ABLIM2: variants seen among roughly 807,000 people sequenced by gnomAD.
The protein encoded by ABLIM2 is actin-binding LIM protein 2.
A neutral mutation model predicts 97.7 loss-of-function variants in ABLIM2; 53 were observed. The ratio of observed to expected loss-of-function variants is 0.54; its 90% CI spans 0.44 to 0.68. The LOEUF (loss-of-function observed/expected upper bound fraction) is 0.68, where lower values mean the gene tolerates loss of function less well. Ranked by LOEUF, ABLIM2 falls within the 30% of genes least tolerant of loss-of-function variation. The probability of loss-of-function intolerance (pLI) is 0.00; values close to 1 mark genes in which losing one functional copy is unlikely to be tolerated. For missense variants in ABLIM2, 835 were observed against 867.2 expected (o/e 0.96, Z 0.47); for synonymous variants, 361 against 345.8 (o/e 1.04, Z -0.49).
chr4:8,080,580 G>A, intron 5 of ABLIM2, 96 bp downstream of exon 5: 1 of 1,348,826 alleles, frequency 7.4e-7, no homozygotes, highest in Non-Finnish European at 9.9e-7. Context: ...GAGAGACACA[G>A]AGAGGGTGGC....
intron 1 of ABLIM2, among the ~76,000 whole-genome samples, chr4:8,111,288 G>A (rs2152795044): frequency 6.6e-6 from 1 of 152,348 alleles, no homozygotes; most frequent in East Asian, 1.9e-4. Flanking sequence ...TGCTGGAAAA[G>A]GCAAAATGAA....
Position 8,128,683 on chromosome 4 carries a change from C to T in ABLIM2, c.11-22046G>A, listed in dbSNP as rs1848878741. ...TGCCGTGGATTGAATGTGGTGTCCC[C>T]TCCCCAGACTCACATGCTGATATCC... On this transcript the variant is annotated intron_variant, in intron 1 of 20. Transcript: ENST00000447017. This position sits in a 1 kb window ranked among gnomAD's most constrained non-coding sequence, Gnocchi z 4.9. Among the ~76,000 whole-genome samples, 1 of 152,160 alleles carries T rather than the reference C, an allele frequency of 6.6e-6. No individual in the cohort carries two copies. Among genetic ancestry groups the T allele is most frequent in the Non-Finnish European group, 1.5e-5 (1 of 68,030 alleles).
chr4:8,136,582 CTTTG>C (rs1175815893), intron 1 of ABLIM2, among the ~76,000 whole-genome samples: 20 of 152,226 alleles, frequency 1.3e-4, no homozygotes, highest in Non-Finnish European at 2.5e-4. Context: ...ACGTGGCTGA[CTTTG>C]TTTGTCAGTG....
chr4:8,099,606 G>T (rs1833465069), intron 2 of ABLIM2, among the ~76,000 whole-genome samples: 1 of 152,210 alleles, frequency 6.6e-6, no homozygotes, highest in South Asian at 2.1e-4. Context: ...AACACTTTGG[G>T]AGGCTGAGGC....
chr4:7,972,506 C>T (rs1043036838), intron 20 of ABLIM2, among the ~76,000 whole-genome samples: 1 of 152,238 alleles, frequency 6.6e-6, no homozygotes, highest in Non-Finnish European at 1.5e-5. Context: ...AGGGTGGGCA[C>T]AGGCCTGTCT....
intron 2 of ABLIM2, among the ~76,000 whole-genome samples, chr4:8,097,943 G>C (rs1379294368): frequency 6.6e-6 from 1 of 152,156 alleles, no homozygotes; most frequent in African/African-American, 2.4e-5. Context: ...CACACACCCG[G>C]CCCAGGAAGC....
In ABLIM2 at chr4:8,125,095, T is replaced by A. The variant is rs1375975882; in HGVS notation, c.11-18458A>T. 6.6e-6 allele frequency among the ~76,000 whole-genome samples: 1 copy of A among 152,138 alleles called. No homozygotes were observed. The highest frequency in any genetic ancestry group is 1.9e-4 in the East Asian group (1 of 5,182). On this transcript the variant is annotated intron_variant, in intron 1 of 20. Coordinates refer to ENST00000447017, the MANE Select transcript of ABLIM2 (RefSeq NM_001130083.2). The surrounding 1 kb of genome is among the most constrained non-coding windows in gnomAD (Gnocchi z 6.2). ...TCTTGATAGGATTGAGGGATGAGAG[T>A]TATTCGTATATTCGAGATACAAGTC...
At chr4:8,090,272 C>G (rs910047766) in intron 3 of ABLIM2, among the ~76,000 whole-genome samples, 1 of 152,216 alleles carries the variant, frequency 6.6e-6, no homozygotes, top group Non-Finnish European at 1.5e-5. Context: ...CCTCCCCATC[C>G]CTGGATGTGC....
At position 7,992,791 on chromosome 4, in the gene ABLIM2, A is replaced by G; in HGVS notation, c.1680+75T>C. 4 of 1,521,396 alleles carry G rather than the reference A, an allele frequency of 2.6e-6. No individual in the cohort carries two copies. Among genetic ancestry groups the G allele is most frequent in the Non-Finnish European group, 3.6e-6 (4 of 1,110,950 alleles). The allele number at this position is 1,521,396 out of a possible 1,614,324, so 94.2% of individuals were successfully genotyped here. A position where few individuals can be genotyped will look rare whatever the true frequency, so the allele number is the denominator to read the frequency against. On this transcript the variant is annotated intron_variant, in intron 17 of 20. Coordinates refer to ENST00000447017, the MANE Select transcript of ABLIM2 (RefSeq NM_001130083.2). This position sits in a 1 kb window ranked among gnomAD's most constrained non-coding sequence, Gnocchi z 5.7. ...GGGCCTCTCCTCCTGCTGTGTGGTC[A>G]AGAAGCTGTGGGAAACGTGCTCAGC...
At chr4:8,056,497 C>T (rs1239825005) in intron 7 of ABLIM2, among the ~76,000 whole-genome samples, 1 of 151,826 alleles carries the variant, frequency 6.6e-6, no homozygotes, top group Non-Finnish European at 1.5e-5. Context: ...GATGGGGTCT[C>T]ACTATATTGA....
At chr4:7,993,327 T>C (rs1257995993) in intron 16 of ABLIM2, among the ~76,000 whole-genome samples, 1 of 152,204 alleles carries the variant, frequency 6.6e-6, no homozygotes, top group Non-Finnish European at 1.5e-5. Context: ...TGCCATCCTG[T>C]GCCAGAGGTG....
At chr4:8,013,265 C>T (rs1426814817) in intron 14 of ABLIM2, among the ~76,000 whole-genome samples, 1 of 148,512 alleles carries the variant, frequency 6.7e-6, no homozygotes, top group Non-Finnish European at 1.5e-5. Flanking sequence ...CTCTGTTGCC[C>T]AGGCTGGAGT....
At chr4:8,064,599 A>C (rs1239317021) in intron 6 of ABLIM2, among the ~76,000 whole-genome samples, 1 of 152,214 alleles carries the variant, frequency 6.6e-6, no homozygotes, top group Non-Finnish European at 1.5e-5. Flanking sequence ...TACATGTCAC[A>C]GGAGTGAACT....
rs1253449422 is a variant in ABLIM2 at position 8,149,659 on chromosome 4, G to T, written c.10+9021C>A. ...AATGCAAGGCTGTTGGGGGATCAGG[G>T]CAAAGACAGCACATAGTAGGTGCTT... is the stretch of plus-strand genomic sequence containing the variant. On this transcript the variant is annotated intron_variant, in intron 1 of 20. Coordinates refer to ENST00000447017, the MANE Select transcript of ABLIM2 (RefSeq NM_001130083.2). The surrounding 1 kb of genome is among the most constrained non-coding windows in gnomAD (Gnocchi z 6.4). Among the ~76,000 whole-genome samples the T allele has an allele frequency of 2.6e-5, 4 of 152,078 alleles. No homozygotes were observed. The East Asian group carries it at 7.8e-4, about 30-fold the overall frequency.
intron 17 of ABLIM2, chr4:7,989,357 G>A (rs1355685310): frequency 1.0e-6 from 1 of 968,354 alleles, no homozygotes; most frequent in African/African-American, 1.8e-5. Context: ...GGGATTATAG[G>A]CCTGAACCAC....
intron 4 of ABLIM2, among the ~76,000 whole-genome samples, chr4:8,086,378 C>T (rs1269599377): frequency 3.7e-5 from 5 of 136,840 alleles, no homozygotes; most frequent in Non-Finnish European, 7.7e-5. Context: ...TTGACATTCT[C>T]ACTCTGTCAC....
intron 2 of ABLIM2, among the ~76,000 whole-genome samples, chr4:8,105,919 T>C (rs781629995): frequency 2.0e-5 from 3 of 151,938 alleles, no homozygotes; most frequent in Non-Finnish European, 2.9e-5. Context: ...CCGGGCCCGG[T>C]TGGTGGGGCC....
Position 8,120,750 on chromosome 4 carries a change from A to T in ABLIM2, c.11-14113T>A, listed in dbSNP as rs1204950527. Among the ~76,000 whole-genome samples, 1 of 152,168 alleles carries T rather than the reference A, an allele frequency of 6.6e-6. No individual in the cohort carries two copies. Among genetic ancestry groups the T allele is most frequent in the African/African-American group, 2.4e-5 (1 of 41,424 alleles). On this transcript the variant is annotated intron_variant, in intron 1 of 20. Coordinates refer to ENST00000447017, the MANE Select transcript of ABLIM2 (RefSeq NM_001130083.2). This position sits in a 1 kb window ranked among gnomAD's most constrained non-coding sequence, Gnocchi z 5.6. ...CCGGGGCAAGCTCGTGACATCACTA[A>T]GTTGAGACTTCACTGACTTCACCTA...
intron 1 of ABLIM2, among the ~76,000 whole-genome samples, chr4:8,116,222 C>T (rs2152829860): frequency 6.6e-6 from 1 of 152,312 alleles, no homozygotes; most frequent in South Asian, 2.1e-4. Flanking sequence ...GTTAGGCAGC[C>T]ATTGAAAACC....
Sources: gnomAD v4.1 joint callset for allele counts (sites outside exome capture counted in the v4.1 genomes callset) on GRCh38, gnomAD v4.1.1 for gene constraint, Gnocchi (gnomAD v3.1) non-coding constraint, MANE v1.5 for transcripts, NCBI Gene and HGNC (gene_info 2026-07-23, HGNC 2026-07-21) for gene names.